The following RIMS2 variants were observed in gnomAD, a reference collection of about 807,000 sequenced individuals.
RIMS2 encodes the protein regulating synaptic membrane exocytosis 2.
In RIMS2, 59 loss-of-function variants were observed where a neutral mutation model predicts 174.4. The observed-to-expected ratio is 0.34, with a 90% CI of 0.27 to 0.42. The LOEUF is 0.42. RIMS2 is among the 10% of genes least tolerant of loss of function. RIMS2 has a pLI of 1.00. For synonymous variants in RIMS2, 606 were observed against 572.5 expected (o/e 1.06, Z -0.84); for missense variants, 1,620 against 1,666.3 (o/e 0.97, Z 0.48).
chr8:103,875,482 T>A (rs745844446), intron 3 of RIMS2, among the ~76,000 whole-genome samples: 1 of 152,106 alleles, frequency 6.6e-6, no homozygotes, highest in Non-Finnish European at 1.5e-5. Context: ...ATGGTATATA[T>A]GTACCACATT....
At chr8:103,960,922 G>A (rs961523547) in intron 14 of RIMS2, 143 bp from the exon 17 acceptor site, 1 of 627,822 alleles carries the variant, frequency 1.6e-6, no homozygotes. Context: ...ATGACAAAAA[G>A]CTCATAAGGA....
intron 19 of RIMS2, among the ~76,000 whole-genome samples, chr8:104,208,219 C>T (rs1302449487): frequency 6.6e-6 from 1 of 152,104 alleles, no homozygotes; most frequent in Non-Finnish European, 1.5e-5. Flanking sequence ...ATTGACTGAC[C>T]TTTAAGTAGT....
At chr8:104,023,659 T>C (rs1485249084) in intron 19 of RIMS2, among the ~76,000 whole-genome samples, 1 of 152,192 alleles carries the variant, frequency 6.6e-6, no homozygotes, top group Non-Finnish European at 1.5e-5. Flanking sequence ...CTGTTAGACA[T>C]CCAAGTGAAG....
chr8:103,876,840 GTATA>G (rs1447394755), intron 3 of RIMS2, among the ~76,000 whole-genome samples: 1 of 110,954 alleles, frequency 9.0e-6, no homozygotes, highest in African/African-American at 3.0e-5. Context: ...ATATATATGT[GTATA>G]TATACACACA....
chr8:103,618,403 A>T (rs1012128206), intron 1 of RIMS2, among the ~76,000 whole-genome samples: 2 of 152,158 alleles, frequency 1.3e-5, no homozygotes, highest in African/African-American at 2.4e-5. Flanking sequence ...GGAAGAACAC[A>T]GTACAGCATA....
intron 14 of RIMS2, among the ~76,000 whole-genome samples, chr8:103,953,158 A>T (rs759367128): frequency 6.6e-6 from 1 of 152,226 alleles, no homozygotes; most frequent in Admixed American, 6.5e-5. Context: ...GGAGAACAGA[A>T]CCAAGTTGGA....
At chr8:103,946,288 T>A (rs2083746446) in intron 14 of RIMS2, among the ~76,000 whole-genome samples, 1 of 152,128 alleles carries the variant, frequency 6.6e-6, no homozygotes, top group South Asian at 2.1e-4. Flanking sequence ...AGTCAGGAGT[T>A]TGAGACCAGC....
At chr8:103,994,650 G>A (rs1343001728) in intron 17 of RIMS2, among the ~76,000 whole-genome samples, 1 of 152,100 alleles carries the variant, frequency 6.6e-6, no homozygotes, top group East Asian at 1.9e-4. Flanking sequence ...TATGGCTGTG[G>A]ACCTTAGGTA....
chr8:104,168,012 T>A (rs2098807795), intron 19 of RIMS2, among the ~76,000 whole-genome samples: 1 of 152,172 alleles, frequency 6.6e-6, no homozygotes, highest in Non-Finnish European at 1.5e-5. Context: ...TCTATTCTAT[T>A]CCATTGGTTT....
At chr8:103,608,383 T>C (rs1184408839) in intron 1 of RIMS2, among the ~76,000 whole-genome samples, 1 of 143,694 alleles carries the variant, frequency 7.0e-6, no homozygotes. Flanking sequence ...GGAGAACCAC[T>C]GCTCTCTTCA....
chr8:103,953,582 A>G (rs1390648973), intron 14 of RIMS2, among the ~76,000 whole-genome samples: 1 of 152,208 alleles, frequency 6.6e-6, no homozygotes, highest in Non-Finnish European at 1.5e-5. Flanking sequence ...GGCCTGTCCT[A>G]CGAGAGCTCC....
intron 19 of RIMS2, among the ~76,000 whole-genome samples, chr8:104,191,452 C>T (rs1043258651): frequency 2.6e-5 from 4 of 151,888 alleles, no homozygotes; most frequent in Non-Finnish European, 4.4e-5. Flanking sequence ...AGTGTGACAC[C>T]AATCATACAT....
At chr8:103,746,360 A>C (rs2097814994) in intron 2 of RIMS2, among the ~76,000 whole-genome samples, 1 of 152,148 alleles carries the variant, frequency 6.6e-6, no homozygotes, top group South Asian at 2.1e-4. Flanking sequence ...AGTAAGTTTG[A>C]AATCAGGATA....
intron 1 of RIMS2, among the ~76,000 whole-genome samples, chr8:103,508,827 C>T (rs912624017): frequency 1.3e-5 from 2 of 152,006 alleles, no homozygotes; most frequent in African/African-American, 2.4e-5. Context: ...AGAGTCAAGA[C>T]AAATTTTTGA....
intron 3 of RIMS2, chr8:103,768,386 G>T (rs1336810959): frequency 4.0e-6 from 3 of 741,966 alleles, no homozygotes; most frequent in Non-Finnish European, 7.5e-6. Context: ...GGCCACAGAA[G>T]TTGCTGCTGA....
At chr8:103,978,448 A>G (rs1050046483) in intron 16 of RIMS2, among the ~76,000 whole-genome samples, 2 of 131,704 alleles carry the variant, frequency 1.5e-5, no homozygotes, top group African/African-American at 2.5e-5. Flanking sequence ...CTAAATTTAA[A>G]ATATGTAACC....
intron 3 of RIMS2, among the ~76,000 whole-genome samples, chr8:103,862,455 G>T (rs1469372449): frequency 6.6e-6 from 1 of 151,658 alleles, no homozygotes; most frequent in South Asian, 2.1e-4. Context: ...GGCTATTCAG[G>T]CTCTTTTTTG....
At chr8:103,859,715 G>T (rs192486748) in intron 3 of RIMS2, among the ~76,000 whole-genome samples, 2 of 151,832 alleles carry the variant, frequency 1.3e-5, no homozygotes, top group African/African-American at 4.8e-5. Flanking sequence ...TACAAAAGAG[G>T]TTTACTTTTT....
At chr8:104,139,958 G>A (rs2098552775) in intron 19 of RIMS2, among the ~76,000 whole-genome samples, 1 of 151,984 alleles carries the variant, frequency 6.6e-6, no homozygotes, top group Non-Finnish European at 1.5e-5. Flanking sequence ...TTTTTTGAAG[G>A]TTTTCATCCT....
Sources: gnomAD v4.1 joint callset for allele counts (sites outside exome capture counted in the v4.1 genomes callset) on GRCh38, gnomAD v4.1.1 for gene constraint, MANE v1.5 for transcripts, NCBI Gene and HGNC (gene_info 2026-07-23, HGNC 2026-07-21) for gene names.